The following CNTN5 variants were observed in gnomAD, a reference collection of about 807,000 sequenced individuals.
CNTN5 encodes the protein contactin 5.
A neutral mutation model predicts 129.1 loss-of-function variants in CNTN5; 77 were observed. That is an observed-to-expected ratio of 0.60 (90% CI 0.50 to 0.72). The LOEUF (loss-of-function observed/expected upper bound fraction) is 0.72, where lower values mean the gene tolerates loss of function less well. CNTN5 is among the 30% of genes least tolerant of loss of function. The probability of loss-of-function intolerance (pLI) is 0.00; values close to 1 mark genes in which losing one functional copy is unlikely to be tolerated. For synonymous variants in CNTN5, 509 were observed against 465.6 expected (o/e 1.09, Z -1.20); for missense variants, 1,478 against 1,328.8 (o/e 1.11, Z -1.75).
chr11:99,787,555 A>G (rs560797046), intron 3 of CNTN5, among the ~76,000 whole-genome samples: 18 of 151,930 alleles, frequency 1.2e-4, no homozygotes, highest in Admixed American at 5.9e-4. Flanking sequence ...TCAACATCCT[A>G]TAGTGGCACG....
At chr11:99,286,299 T>G (rs1478197906) in intron 1 of CNTN5, among the ~76,000 whole-genome samples, 1 of 152,156 alleles carries the variant, frequency 6.6e-6, no homozygotes, top group Non-Finnish European at 1.5e-5. Context: ...TTATTCAGAT[T>G]GCTGTTATCC....
intron 3 of CNTN5, among the ~76,000 whole-genome samples, chr11:99,775,112 T>A (rs757742575): frequency 6.6e-6 from 1 of 152,080 alleles, no homozygotes; most frequent in Admixed American, 6.6e-5. Flanking sequence ...CTGATCATCA[T>A]TGTGGCCATA....
intron 6 of CNTN5, among the ~76,000 whole-genome samples, chr11:99,897,505 T>TAA (rs371917808): frequency 1.1e-3 from 162 of 149,686 alleles, no homozygotes; most frequent in African/African-American, 3.7e-3. Context: ...TAGCCTCCTT[T>TAA]AAAAAAAAAA....
intron 2 of CNTN5, among the ~76,000 whole-genome samples, chr11:99,374,317 A>AC (rs1271181050): frequency 6.6e-6 from 1 of 152,242 alleles, no homozygotes; most frequent in African/African-American, 2.4e-5. Context: ...AATGAACAGC[A>AC]CAAAGCCTTT....
At chr11:100,006,405 A>C (rs947193398) in intron 9 of CNTN5, among the ~76,000 whole-genome samples, 3 of 152,118 alleles carry the variant, frequency 2.0e-5, no homozygotes, top group African/African-American at 7.2e-5. Flanking sequence ...AATTGGAGTC[A>C]ATCCTCTCTA....
At chr11:99,497,764 G>C (rs1946281474) in intron 2 of CNTN5, among the ~76,000 whole-genome samples, 1 of 152,146 alleles carries the variant, frequency 6.6e-6, no homozygotes, top group Admixed American at 6.5e-5. Flanking sequence ...CAGGTACAGT[G>C]AAAATGTGAA....
intron 15 of CNTN5, among the ~76,000 whole-genome samples, chr11:100,212,122 A>G (rs2138589629): frequency 6.6e-6 from 1 of 152,238 alleles, no homozygotes; most frequent in East Asian, 1.9e-4. Flanking sequence ...TTACATATGA[A>G]TGGGAATATT....
At chr11:99,962,079 T>C (rs1456522898) in intron 8 of CNTN5, among the ~76,000 whole-genome samples, 2 of 152,002 alleles carry the variant, frequency 1.3e-5, no homozygotes, top group Non-Finnish European at 2.9e-5. Context: ...ACAAAATTCA[T>C]ACTAAGATAA....
chr11:99,652,311 A>G (rs1044503586), intron 3 of CNTN5, among the ~76,000 whole-genome samples: 3 of 152,042 alleles, frequency 2.0e-5, no homozygotes, highest in Admixed American at 1.3e-4. Flanking sequence ...CCAGCAGGGC[A>G]ATCTATCTTC....
intron 13 of CNTN5, among the ~76,000 whole-genome samples, chr11:100,092,528 A>G (rs1358987192): frequency 6.6e-6 from 1 of 152,126 alleles, no homozygotes; most frequent in Non-Finnish European, 1.5e-5. Flanking sequence ...AAACCACTTA[A>G]TGCTGTTTAA....
chr11:99,285,217 G>T (rs1863879774), intron 1 of CNTN5, among the ~76,000 whole-genome samples: 2 of 152,014 alleles, frequency 1.3e-5, no homozygotes. Flanking sequence ...AACATAATTT[G>T]TTATTGCACG....
chr11:99,321,359 T>TAA (rs1865563910), intron 1 of CNTN5, among the ~76,000 whole-genome samples: 1 of 149,392 alleles, frequency 6.7e-6, no homozygotes, highest in Admixed American at 6.7e-5. Context: ...TATATATATA[T>TAA]AACATATATA....
At chr11:99,636,073 A>G (rs1162852879) in intron 3 of CNTN5, among the ~76,000 whole-genome samples, 5 of 144,344 alleles carry the variant, frequency 3.5e-5, no homozygotes, top group Non-Finnish European at 7.6e-5. Context: ...AGAAAACTAT[A>G]TAACTAGGAA....
intron 13 of CNTN5, among the ~76,000 whole-genome samples, chr11:100,184,665 C>T (rs995233567): frequency 6.6e-6 from 1 of 152,100 alleles, no homozygotes; most frequent in Non-Finnish European, 1.5e-5. Context: ...CAATTAAGCC[C>T]ACCCCCCCAG....
At chr11:99,782,041 C>G (rs938517995) in intron 3 of CNTN5, among the ~76,000 whole-genome samples, 44 of 150,960 alleles carry the variant, frequency 2.9e-4, no homozygotes, top group Non-Finnish European at 5.9e-4. Context: ...CAAATTGTCC[C>G]TGTTTGCAGA....
intron 7 of CNTN5, among the ~76,000 whole-genome samples, chr11:99,935,362 T>G (rs1335442041): frequency 3.3e-5 from 5 of 152,122 alleles, no homozygotes; most frequent in Admixed American, 6.5e-5. Flanking sequence ...CTTAGGACCT[T>G]AGAGATTAGG....
chr11:99,902,914 G>C (rs1264095183), intron 6 of CNTN5, among the ~76,000 whole-genome samples: 1 of 152,168 alleles, frequency 6.6e-6, no homozygotes, highest in Non-Finnish European at 1.5e-5. Context: ...AAGGCATGAA[G>C]TTTTTAGCCA....
chr11:100,203,609 C>G (rs558180476), intron 15 of CNTN5, among the ~76,000 whole-genome samples: 32 of 152,046 alleles, frequency 2.1e-4, no homozygotes, highest in Admixed American at 3.3e-4. Context: ...TCAAATATTA[C>G]TAATTCCATT....
At chr11:99,721,729 A>G (rs544632599) in intron 3 of CNTN5, among the ~76,000 whole-genome samples, 12 of 152,326 alleles carry the variant, frequency 7.9e-5, no homozygotes, top group South Asian at 2.1e-4. Context: ...TTTCTAAACT[A>G]TGCCTCTGAC....
Sources: gnomAD v4.1 joint callset for allele counts (sites outside exome capture counted in the v4.1 genomes callset) on GRCh38, gnomAD v4.1.1 for gene constraint, MANE v1.5 for transcripts, NCBI Gene and HGNC (gene_info 2026-07-23, HGNC 2026-07-21) for gene names.